Variants in FSTL4 observed in about 807,000 individuals in gnomAD.
The protein encoded by FSTL4 is follistatin like 4.
FSTL4 carries 28 observed loss-of-function variants against 78.2 expected under a neutral mutation model. The observed-to-expected ratio is 0.36, with a 90% CI of 0.27 to 0.49. The LOEUF (loss-of-function observed/expected upper bound fraction) is 0.49, where lower values mean the gene tolerates loss of function less well. Ranked by LOEUF, FSTL4 falls within the 20% of genes least tolerant of loss-of-function variation. The pLI is 0.98. For synonymous variants in FSTL4, 422 were observed against 440.5 expected (o/e 0.96, Z 0.53); for missense variants, 922 against 1,084.9 (o/e 0.85, Z 2.11).
intron 6 of FSTL4, among the ~76,000 whole-genome samples, chr5:133,273,981 G>T (rs544945711): frequency 7.5e-4 from 115 of 152,324 alleles, no homozygotes; most frequent in African/African-American, 2.7e-3. Context: ...CATCCCACAA[G>T]GAAAGATTTA....
chr5:133,524,576 A>G (rs1759051220), intron 3 of FSTL4, among the ~76,000 whole-genome samples: 1 of 152,220 alleles, frequency 6.6e-6, no homozygotes. Flanking sequence ...TGCTGTAGAC[A>G]GGGGCACCAC....
chr5:133,763,553 T>C, the FSTL4 span, among the ~76,000 whole-genome samples: 1 of 152,176 alleles, frequency 6.6e-6, no homozygotes, highest in Non-Finnish European at 1.5e-5. Context: ...CCTGTGAGCA[T>C]CTGCTGGACC....
rs183516639 is a variant in FSTL4, at chr5:133,381,667, T to G, written c.409+19071A>C. On this transcript the variant is annotated intron_variant, in intron 4 of 15. Transcript: ENST00000265342. Reference sequence around the variant, plus strand: ...ATTCTTTCAACTGCATGTACACATTTTCATCCCACTGTCTGTATGCCATAC... The same window carrying G: ...ATTCTTTCAACTGCATGTACACATTGTCATCCCACTGTCTGTATGCCATAC... Among the ~76,000 whole-genome samples the G allele has an allele frequency of 9.6e-4, 147 of 152,344 alleles. 4 individuals are homozygous for G. Among genetic ancestry groups the G allele is most frequent in the Admixed American group, 1.0e-3 (16 of 15,304 alleles).
At chr5:133,207,487 C>G (rs1750556320) in intron 14 of FSTL4, among the ~76,000 whole-genome samples, 1 of 152,224 alleles carries the variant, frequency 6.6e-6, no homozygotes, top group Non-Finnish European at 1.5e-5. Flanking sequence ...CTGCTCATCT[C>G]TGCTTTTAAT....
chr5:133,516,374 AAC>A (rs1253460429), intron 3 of FSTL4, among the ~76,000 whole-genome samples: 2 of 152,210 alleles, frequency 1.3e-5, no homozygotes, highest in East Asian at 3.8e-4. Context: ...AATTAATACA[AAC>A]ACATACACAA....
At chr5:133,419,685 G>C (rs372548204) in intron 3 of FSTL4, among the ~76,000 whole-genome samples, 1 of 152,210 alleles carries the variant, frequency 6.6e-6, no homozygotes, top group East Asian at 1.9e-4. Context: ...CTTCCAAAGT[G>C]GTTGTACCAT....
intron 3 of FSTL4, among the ~76,000 whole-genome samples, chr5:133,483,129 T>C (rs1561734740): frequency 1.3e-5 from 2 of 152,160 alleles, no homozygotes; most frequent in Non-Finnish European, 2.9e-5. Context: ...GATGGTTTTA[T>C]AAAGGGCAGT....
chr5:133,666,374 G>A, the FSTL4 span, among the ~76,000 whole-genome samples: 1 of 152,078 alleles, frequency 6.6e-6, no homozygotes, highest in African/African-American at 2.4e-5. Context: ...AAAAGAAATT[G>A]AATTCTGATA....
chr5:133,432,393 CT>C (rs1424290719), intron 3 of FSTL4, among the ~76,000 whole-genome samples: 1 of 152,174 alleles, frequency 6.6e-6, no homozygotes, highest in Non-Finnish European at 1.5e-5. Flanking sequence ...AGACAATAAC[CT>C]GCAAAGGAAA....
At chr5:133,598,732 C>G (rs1450888289) in intron 2 of FSTL4, among the ~76,000 whole-genome samples, 1 of 152,182 alleles carries the variant, frequency 6.6e-6, no homozygotes, top group Non-Finnish European at 1.5e-5. Context: ...GTCCACGGCC[C>G]TGGGGAGACC....
chr5:133,730,105 A>C, the FSTL4 span, among the ~76,000 whole-genome samples: 5 of 152,156 alleles, frequency 3.3e-5, no homozygotes, highest in South Asian at 2.1e-4. Context: ...GACTGATGTG[A>C]GGTTAGCCTG....
At position 133,208,239 on chromosome 5, in the gene FSTL4, C is replaced by T. The variant is rs145210250; in HGVS notation, c.1716+1952G>A. On this transcript the variant is annotated intron_variant, in intron 14 of 15. Coordinates refer to ENST00000265342, the MANE Select transcript of FSTL4 (RefSeq NM_015082.2). ...TGGGCTCCCTGAGTTCCTGCGTACC[C>T]GTATATCTTTCTTTTGTCCTGACAG... is the stretch of plus-strand genomic sequence containing the variant. 939 of 152,342 alleles carry T rather than the reference C, an allele frequency of 6.2e-3. 5 individuals carry two copies. The highest frequency in any genetic ancestry group is 0.014 in the South Asian group (69 of 4,826). The allele number at this position is 152,342 out of a possible 1,614,324, so 9.4% of individuals were successfully genotyped here. A position where few individuals can be genotyped will look rare whatever the true frequency, so the allele number is the denominator to read the frequency against.
chr5:133,406,909 T>C (rs778978699), intron 3 of FSTL4, among the ~76,000 whole-genome samples: 1 of 152,216 alleles, frequency 6.6e-6, no homozygotes, highest in Non-Finnish European at 1.5e-5. Flanking sequence ...AGACAGCAAG[T>C]AGGTGGTAGA....
intron 14 of FSTL4, among the ~76,000 whole-genome samples, chr5:133,206,360 GTTAT>G (rs67490161): frequency 0.26 from 39,031 of 151,758 alleles, 5,574 homozygotes; most frequent in East Asian, 0.43. Flanking sequence ...GCAATGTAGT[GTTAT>G]TTATTTTTTG....
intron 3 of FSTL4, among the ~76,000 whole-genome samples, chr5:133,446,561 C>T (rs952502452): frequency 2.0e-5 from 3 of 152,204 alleles, no homozygotes; most frequent in African/African-American, 4.8e-5. Flanking sequence ...TCCAAGTGTT[C>T]TCTTTCGAGT....
the FSTL4 span, among the ~76,000 whole-genome samples, chr5:133,730,446 C>T: frequency 6.6e-6 from 1 of 152,196 alleles, no homozygotes; most frequent in Non-Finnish European, 1.5e-5. Flanking sequence ...ATCCTGTCAG[C>T]ACATTGCCCT....
chr5:133,395,359 C>T (rs1202186229), intron 4 of FSTL4, among the ~76,000 whole-genome samples: 2 of 152,220 alleles, frequency 1.3e-5, no homozygotes, highest in Non-Finnish European at 2.9e-5. Flanking sequence ...GTAACACTCA[C>T]CGCGAAGGTC....
In FSTL4 at chr5:133,199,061, G is replaced by T; in HGVS notation, c.*34C>A. On this transcript the variant is annotated 3_prime_UTR_variant, in exon 16 of 16. Transcript: ENST00000265342. The surrounding 1 kb of genome is among the most constrained non-coding windows in gnomAD (Gnocchi z 4.4). ...GAGGCTGCAGTGTCAGGACTAGGGG[G>T]TGTTCCTTGGCCCAGGGCTCTGCTC... 1.5e-6 allele frequency: 2 copies of T among 1,322,950 alleles called. No individual in the cohort carries two copies. The highest frequency in any genetic ancestry group is 2.1e-6 in the Non-Finnish European group (2 of 961,588). 82.0% of individuals were successfully genotyped at this position (1,322,950 alleles called of 1,614,324 possible). A position where few individuals can be genotyped will look rare whatever the true frequency, so the allele number is the denominator to read the frequency against.
At chr5:133,646,982 C>A in the FSTL4 span, among the ~76,000 whole-genome samples, 1 of 152,154 alleles carries the variant, frequency 6.6e-6, no homozygotes, top group Non-Finnish European at 1.5e-5. Flanking sequence ...GATTTAATCA[C>A]TCTAGCACCA....
Sources: gnomAD v4.1 joint callset for allele counts (sites outside exome capture counted in the v4.1 genomes callset) on GRCh38, gnomAD v4.1.1 for gene constraint, Gnocchi (gnomAD v3.1) non-coding constraint, MANE v1.5 for transcripts, NCBI Gene and HGNC (gene_info 2026-07-23, HGNC 2026-07-21) for gene names.